RGS7BP: variants seen among roughly 807,000 people sequenced by gnomAD.
RGS7BP encodes regulator of G protein signaling 7 binding protein.
In RGS7BP, 9 loss-of-function variants were observed where a neutral mutation model predicts 31.3. The ratio of observed to expected loss-of-function variants is 0.29; its 90% CI spans 0.17 to 0.50. The LOEUF (loss-of-function observed/expected upper bound fraction) is 0.50, where lower values mean the gene tolerates loss of function less well. RGS7BP is among the 20% of genes least tolerant of loss of function. RGS7BP has a pLI of 0.98. For synonymous variants in RGS7BP, 115 were observed against 120.1 expected (o/e 0.96, Z 0.28); for missense variants, 274 against 322.0 (o/e 0.85, Z 1.14).
chr5:64,585,487 G>C (rs570551384), intron 3 of RGS7BP, among the ~76,000 whole-genome samples: 1 of 151,730 alleles, frequency 6.6e-6, no homozygotes, highest in Admixed American at 6.6e-5. Flanking sequence ...GGAGGAGAAA[G>C]GATGGGAGAA....
intron 2 of RGS7BP, among the ~76,000 whole-genome samples, chr5:64,522,171 G>A (rs1749122764): frequency 6.6e-6 from 1 of 152,168 alleles, no homozygotes; most frequent in African/African-American, 2.4e-5. Context: ...ATTTGGCAAT[G>A]TGTAGTTCCA....
intron 2 of RGS7BP, among the ~76,000 whole-genome samples, chr5:64,546,147 C>CT (rs1741654209): frequency 6.6e-6 from 1 of 152,160 alleles, no homozygotes; most frequent in Middle Eastern, 3.4e-3. Context: ...GAACAAGACT[C>CT]TGTCTCAAAA....
chr5:64,534,059 G>A (rs1326868587), intron 2 of RGS7BP, among the ~76,000 whole-genome samples: 2 of 152,220 alleles, frequency 1.3e-5, no homozygotes, highest in African/African-American at 4.8e-5. Context: ...GCATCTGTGG[G>A]TGGAGGAAAA....
Position 64,600,383 on chromosome 5 carries a change from G to GA in RGS7BP, c.682+1953dup, listed in dbSNP as rs566061446. Among the ~76,000 whole-genome samples the GA allele has an allele frequency of 5.7e-4, 87 of 152,106 alleles. 1 individual carries two copies. The highest frequency in any genetic ancestry group is 2.0e-3 in the African/African-American group (84 of 41,512). ...AGCAGTTTTTGACTGTGTGTTAATA[G>GA]AAAAACAGAAATTTTGTTTTATTTG... On this transcript the variant is annotated intron_variant, in intron 5 of 5. Coordinates refer to ENST00000334025, the MANE Select transcript of RGS7BP (RefSeq NM_001029875.3).
At chr5:64,585,782 A>C (rs749296402) in intron 3 of RGS7BP, among the ~76,000 whole-genome samples, 1 of 152,226 alleles carries the variant, frequency 6.6e-6, no homozygotes, top group Non-Finnish European at 1.5e-5. Context: ...CTAAAAATAC[A>C]TAGAAATCCC....
chr5:64,583,794 A>G (rs189360132), intron 3 of RGS7BP, among the ~76,000 whole-genome samples: 348 of 152,354 alleles, frequency 2.3e-3, no homozygotes, highest in African/African-American at 7.6e-3. Context: ...TCCAAGGATA[A>G]TCTAAAGCCT....
chr5:64,558,853 A>G (rs1435483639), intron 2 of RGS7BP, among the ~76,000 whole-genome samples: 1 of 152,174 alleles, frequency 6.6e-6, no homozygotes, highest in African/African-American at 2.4e-5. Flanking sequence ...ATGCAGTTGC[A>G]GATAAGGGAT....
intron 3 of RGS7BP, among the ~76,000 whole-genome samples, chr5:64,584,603 A>G: frequency 6.6e-6 from 1 of 152,176 alleles, no homozygotes; most frequent in East Asian, 1.9e-4. Flanking sequence ...CCTGTGTTCC[A>G]AGGGGGCTCT....
At chr5:64,532,161 C>G (rs542646498) in intron 2 of RGS7BP, among the ~76,000 whole-genome samples, 1 of 152,304 alleles carries the variant, frequency 6.6e-6, no homozygotes, top group East Asian at 1.9e-4. Flanking sequence ...CAGATTTATA[C>G]TTAAAGTTGG....
intron 5 of RGS7BP, 69 bp downstream of exon 5, chr5:64,598,504 G>A (rs1743135265): frequency 2.1e-6 from 2 of 951,822 alleles, no homozygotes; most frequent in African/African-American, 1.6e-5. Context: ...ATTGTTTCTT[G>A]GAAATTAAAG....
chr5:64,516,390 G>C (rs1395376508), intron 2 of RGS7BP, among the ~76,000 whole-genome samples: 3 of 151,752 alleles, frequency 2.0e-5, no homozygotes, highest in African/African-American at 7.3e-5. Flanking sequence ...CCCCATTTCT[G>C]TGGCCACCTG....
At chr5:64,531,053 G>A (rs188383915) in intron 2 of RGS7BP, among the ~76,000 whole-genome samples, 250 of 152,272 alleles carry the variant, frequency 1.6e-3, no homozygotes, top group Non-Finnish European at 3.0e-3. Context: ...CAAAGCTCTG[G>A]TACGAAAACC....
At chr5:64,553,782 T>C (rs1011232076) in intron 2 of RGS7BP, among the ~76,000 whole-genome samples, 19 of 152,152 alleles carry the variant, frequency 1.2e-4, no homozygotes, top group African/African-American at 4.6e-4. Context: ...TAAATAACCC[T>C]AAAACAAACA....
At chr5:64,533,682 TAAC>T (rs1163017087) in intron 2 of RGS7BP, among the ~76,000 whole-genome samples, 3 of 152,248 alleles carry the variant, frequency 2.0e-5, no homozygotes. Flanking sequence ...ACCCAGATTT[TAAC>T]AACAATTTCA....
At chr5:64,527,054 C>T (rs141762059) in intron 2 of RGS7BP, among the ~76,000 whole-genome samples, 210 of 152,294 alleles carry the variant, frequency 1.4e-3, no homozygotes, top group Admixed American at 4.1e-3. Context: ...AAATACCCCA[C>T]GAAAATGGAC....
At chr5:64,554,973 G>A (rs558464737) in intron 2 of RGS7BP, among the ~76,000 whole-genome samples, 1 of 151,924 alleles carries the variant, frequency 6.6e-6, no homozygotes, top group Non-Finnish European at 1.5e-5. Flanking sequence ...CTGGAAGATG[G>A]ATCTGAAGAA....
At chr5:64,508,422 T>C (rs949618442) in intron 2 of RGS7BP, among the ~76,000 whole-genome samples, 1 of 152,240 alleles carries the variant, frequency 6.6e-6, no homozygotes. Flanking sequence ...GAACAGTTTT[T>C]AAAGATTGGG....
At chr5:64,572,137 A>G (rs779303592) in intron 2 of RGS7BP, among the ~76,000 whole-genome samples, 1 of 152,128 alleles carries the variant, frequency 6.6e-6, no homozygotes, top group Non-Finnish European at 1.5e-5. Context: ...GTTACTTCCA[A>G]TTCCTGTAGG....
chr5:64,588,946 T>C (rs1405171084), intron 3 of RGS7BP, among the ~76,000 whole-genome samples: 1 of 151,922 alleles, frequency 6.6e-6, no homozygotes, highest in Non-Finnish European at 1.5e-5. Flanking sequence ...AAAATAAATA[T>C]CTAAAGTTAA....
Sources: gnomAD v4.1 joint callset for allele counts (sites outside exome capture counted in the v4.1 genomes callset) on GRCh38, gnomAD v4.1.1 for gene constraint, MANE v1.5 for transcripts, NCBI Gene and HGNC (gene_info 2026-07-23, HGNC 2026-07-21) for gene names.